The following ZMIZ1 variants were observed in gnomAD, a reference collection of about 807,000 sequenced individuals.
The protein encoded by ZMIZ1 is zinc finger MIZ domain-containing protein 1.
Under a neutral mutation model 113.9 loss-of-function variants are expected in ZMIZ1, and 17 were observed. The ratio of observed to expected loss-of-function variants is 0.15; its 90% confidence interval spans 0.10 to 0.22. The LOEUF (loss-of-function observed/expected upper bound fraction) is 0.22, where lower values mean the gene tolerates loss of function less well. Among genes scored for constraint, ZMIZ1 ranks in the 10% least tolerant of loss-of-function variants. The pLI is 1.00. For missense variants in ZMIZ1, 1,059 were observed against 1,477.8 expected, an observed-to-expected ratio of 0.72 and a Z score of 4.65; for synonymous variants, 607 against 603.1, an observed-to-expected ratio of 1.01 and a Z score of -0.09.
intron 8 of ZMIZ1, among the ~76,000 whole-genome samples, chr10:79,286,699 C>T (rs906785703): frequency 6.6e-6 from 1 of 152,234 alleles, no homozygotes; most frequent in Non-Finnish European, 1.5e-5. Flanking sequence ...AAGTTTGGGG[C>T]AGAGGGGACA....
chr10:79,269,504 C>T (rs1851820803), intron 7 of ZMIZ1, among the ~76,000 whole-genome samples: 2 of 149,732 alleles, frequency 1.3e-5, no homozygotes, highest in South Asian at 4.2e-4. Flanking sequence ...CTCTGTTCTC[C>T]AGCAGCCTTT....
chr10:79,117,410 G>T (rs1285366022), intron 1 of ZMIZ1, among the ~76,000 whole-genome samples: 2 of 152,122 alleles, frequency 1.3e-5, no homozygotes, highest in Non-Finnish European at 2.9e-5. Flanking sequence ...CTGGCTTTTT[G>T]AGTCAACATT....
chr10:79,091,246 T>G (rs1296056900), intron 1 of ZMIZ1, among the ~76,000 whole-genome samples: 1 of 152,130 alleles, frequency 6.6e-6, no homozygotes, highest in Non-Finnish European at 1.5e-5. Flanking sequence ...ATTTTAAAAT[T>G]TTGTGAGTAC....
At chr10:79,256,554 C>T (rs1005373481) in intron 7 of ZMIZ1, among the ~76,000 whole-genome samples, 14 of 152,330 alleles carry the variant, frequency 9.2e-5, no homozygotes, top group Middle Eastern at 3.4e-3. Flanking sequence ...CTGCCGGTGC[C>T]CCTGCAGCAC....
At chr10:79,293,832 C>T in intron 12 of ZMIZ1, 179 bp downstream of exon 12, 1 of 922,820 alleles carries the variant, frequency 1.1e-6, no homozygotes, top group Non-Finnish European at 1.7e-6. Context: ...TGTTTCCCAA[C>T]TGAAAGACCT....
Position 79,298,381 on chromosome 10 carries a change from G to A in ZMIZ1, c.1492-25G>A, listed in dbSNP as rs372928717. 2.6e-5 allele frequency: 42 copies of A among 1,603,094 alleles called. 1 individual carries two copies. The African/African-American group carries it at 3.1e-4, about 12-fold the overall frequency. On this transcript the variant is annotated intron_variant, in intron 14 of 24. Transcript: ENST00000334512. Reference sequence around the variant, plus strand: ...TTCTGTCTCCGTAATCCCATAACTCGTGCGTGTCTTTTCTTTCCCTCCAGC... The same window carrying A: ...TTCTGTCTCCGTAATCCCATAACTCATGCGTGTCTTTTCTTTCCCTCCAGC...
intron 8 of ZMIZ1, among the ~76,000 whole-genome samples, chr10:79,289,180 G>T (rs1280397471): frequency 1.3e-5 from 2 of 152,126 alleles, no homozygotes; most frequent in Non-Finnish European, 2.9e-5. Flanking sequence ...AGATCGGGGT[G>T]GGGGCAGGAG....
At chr10:79,094,000 G>A (rs888459124) in intron 1 of ZMIZ1, among the ~76,000 whole-genome samples, 6 of 152,238 alleles carry the variant, frequency 3.9e-5, no homozygotes, top group African/African-American at 1.4e-4. Context: ...GCCGCAGTGA[G>A]CACTGGGTGG....
intron 2 of ZMIZ1, among the ~76,000 whole-genome samples, chr10:79,121,902 G>A (rs149388753): frequency 2.0e-5 from 3 of 152,150 alleles, no homozygotes; most frequent in South Asian, 2.1e-4. Flanking sequence ...ATGGCCCTTC[G>A]CACCTGCATC....
rs533574010 is a variant in ZMIZ1, at chr10:79,300,527, G to A, written c.1809-205G>A. On this transcript the variant is annotated intron_variant, in intron 16 of 24. Transcript: ENST00000334512. ...TGATGGGAATGATTGGTGTGCGGGG[G>A]TCTTGGGGGCAGTTTGGGTGTAGAG... 2.0e-5 allele frequency among the ~76,000 whole-genome samples: 3 copies of A among 152,220 alleles called. No individual in the cohort carries two copies. The South Asian group carries it at 6.2e-4, about 32-fold the overall frequency.
chr10:79,092,106 A>T (rs1442566344), intron 1 of ZMIZ1, among the ~76,000 whole-genome samples: 1 of 152,118 alleles, frequency 6.6e-6, no homozygotes, highest in Admixed American at 6.5e-5. Flanking sequence ...GCTTCTGAAG[A>T]TCTGGGTGCA....
intron 20 of ZMIZ1, 70 bp downstream of exon 20, chr10:79,305,301 C>T (rs1397015333): frequency 1.3e-6 from 2 of 1,536,302 alleles, no homozygotes; most frequent in African/African-American, 1.4e-5. Context: ...CCAGCTACCT[C>T]CCACCTCCAC....
At position 79,300,827 on chromosome 10, in the gene ZMIZ1, C is replaced by T. The variant is rs750714755; in HGVS notation, c.1904C>T (p.Thr635Met). The T allele has an allele frequency of 6.2e-6, 10 of 1,613,728 alleles. No homozygotes were observed. The highest frequency in any genetic ancestry group is 1.1e-5 in the South Asian group (1 of 91,088). ...TCGGTGCAGGTCAGCGTGAACGCCA[C>T]GCCCCTCACCATTGAGCGCGGCGAC... Reference protein sequence around the residue: ...PASVQVSVNATPLTIERGDNK... With the variant: ...PASVQVSVNAMPLTIERGDNK... The change falls in exon 17 of 25, where the codon ACG (threonine) becomes ATG (methionine). Residue 635 changes from threonine to methionine, a missense_variant. By Grantham distance (81) the Thr-to-Met change is moderately conservative (BLOSUM62 -1). Transcript: ENST00000334512.
At chr10:79,298,058 G>A (rs1187719085) in intron 14 of ZMIZ1, among the ~76,000 whole-genome samples, 1 of 152,172 alleles carries the variant, frequency 6.6e-6, no homozygotes, top group African/African-American at 2.4e-5. Flanking sequence ...GGTGACAGGA[G>A]GCCTGGGCTT....
intron 7 of ZMIZ1, among the ~76,000 whole-genome samples, chr10:79,219,212 G>T (rs1053118769): frequency 2.6e-5 from 4 of 152,288 alleles, no homozygotes. Flanking sequence ...CTGGAGAATG[G>T]GCTGTCCCAG....
intron 7 of ZMIZ1, among the ~76,000 whole-genome samples, chr10:79,254,204 G>C (rs979687900): frequency 6.6e-6 from 1 of 152,104 alleles, no homozygotes; most frequent in Non-Finnish European, 1.5e-5. Flanking sequence ...AGCCAGGGGC[G>C]CCCCTGTTCA....
In ZMIZ1 at chr10:79,296,416, A is replaced by ATGTG. The variant is rs1853893189; in HGVS notation, c.1231-54_1231-51dup. The stretch of plus-strand genomic sequence containing the variant: ...ATCCCGTTGTTCAGGTGACCTGGCT[A>ATGTG]TGTGACGTTGGCAACATTGAACGTG... On this transcript the variant is annotated intron_variant, in intron 12 of 24. Transcript: ENST00000334512. This position sits in a 1 kb window ranked among gnomAD's most constrained non-coding sequence, Gnocchi z 4.1. 3.1e-6 allele frequency: 5 copies of ATGTG among 1,593,616 alleles called. No homozygotes were observed. The South Asian group carries it at 4.5e-5, about 14-fold the overall frequency.
At chr10:79,075,585 A>ACACATATGCACACC (rs1842445488) in intron 1 of ZMIZ1, among the ~76,000 whole-genome samples, 2 of 41,328 alleles carry the variant, frequency 4.8e-5, no homozygotes, top group Non-Finnish European at 1.1e-4. Flanking sequence ...ACATGCACAC[A>ACACATATGCACACC]TGCACACCTG....
intron 2 of ZMIZ1, among the ~76,000 whole-genome samples, chr10:79,139,264 C>A (rs370680847): frequency 6.6e-6 from 1 of 152,074 alleles, no homozygotes; most frequent in South Asian, 2.1e-4. Flanking sequence ...TGAGATAATT[C>A]CCCGAAGCCA....
Sources: allele counts gnomAD v4.1 joint callset (sites outside exome capture counted in the v4.1 genomes callset), GRCh38; gene constraint gnomAD v4.1.1; non-coding constraint Gnocchi (gnomAD v3.1); transcripts MANE v1.5; gene names NCBI Gene and HGNC (gene_info 2026-07-23, HGNC 2026-07-21).